The following SBF1 variants were observed in gnomAD, a reference collection of about 807,000 sequenced individuals.
SBF1 encodes the protein SET binding factor 1.
In SBF1, 65 loss-of-function variants were observed where a neutral mutation model predicts 215.8. That is an observed-to-expected ratio of 0.30 (90% CI 0.25 to 0.37). The LOEUF (loss-of-function observed/expected upper bound fraction) is 0.37, where lower values mean the gene tolerates loss of function less well. Ranked by LOEUF, SBF1 falls within the 10% of genes least tolerant of loss-of-function variation. SBF1 has a pLI of 1.00. For synonymous variants in SBF1, 1,410 were observed against 1,122.8 expected, an observed-to-expected ratio of 1.26 and a Z score of -5.11; for missense variants, 2,634 against 2,667.8, an observed-to-expected ratio of 0.99 and a Z score of 0.28.
chr22:50,470,036 G>A (rs557647886), intron 1 of SBF1, among the ~76,000 whole-genome samples: 10 of 151,800 alleles, frequency 6.6e-5, no homozygotes, highest in South Asian at 2.1e-4. Context: ...GGCGGCAGAC[G>A]GGTGGGGGCC....
chr22:50,459,424 G>T, intron 27 of SBF1, 32 bp from the exon 28 acceptor site: 1 of 1,611,854 alleles, frequency 6.2e-7, no homozygotes, highest in Non-Finnish European at 8.5e-7. Context: ...AGGGAGGGGA[G>T]GGTGAGATAG....
In SBF1 at chr22:50,464,503, G is replaced by A. The variant is rs371742872; in HGVS notation, c.1636+31C>T. 4.9e-5 allele frequency: 79 copies of A among 1,602,398 alleles called. No homozygotes were observed. In the African/African-American group the frequency reaches 6.5e-4, roughly 13 times the overall value. On this transcript the variant is annotated intron_variant, in intron 14 of 40. Transcript: ENST00000380817. ...CCCACGCCCATCCTGGGCCACGCTCGGGGCCTGCCTTCCCCTCCCTCATTA... is the reference window on the plus strand; with the variant it reads ...CCCACGCCCATCCTGGGCCACGCTCAGGGCCTGCCTTCCCCTCCCTCATTA...
Position 50,447,055 on chromosome 22 carries a change from G to C in SBF1, c.*87C>G, listed in dbSNP as rs2066856654. ...GGGGCCTCAATACTGTCGAGGGCCGGGGCTGTAAACATGGCCGGGGCGGCC... is the reference window on the plus strand; with the variant it reads ...GGGGCCTCAATACTGTCGAGGGCCGCGGCTGTAAACATGGCCGGGGCGGCC... On this transcript the variant is annotated 3_prime_UTR_variant, in exon 41 of 41. Transcript: ENST00000380817. The C allele has an allele frequency of 7.5e-6, 9 of 1,205,910 alleles. No individual in the cohort carries two copies. The highest frequency in any genetic ancestry group is 1.1e-5 in the Non-Finnish European group (9 of 841,280). 74.7% of individuals were successfully genotyped at this position (1,205,910 alleles called of 1,614,324 possible).
chr22:50,461,435 GA>G (rs35368323), intron 22 of SBF1, 87 bp downstream of exon 22: 1 of 1,500,922 alleles, frequency 6.7e-7, no homozygotes, highest in Non-Finnish European at 8.9e-7. Context: ...GAACCCCCGA[GA>G]AAAGGGAGAG....
At chr22:50,454,490 C>T (rs1040766630) in intron 36 of SBF1, 22 bp downstream of exon 36, 1 of 1,599,714 alleles carries the variant, frequency 6.3e-7, no homozygotes, top group East Asian at 2.2e-5. Context: ...CAGGCCAGAC[C>T]CTGCTCTGGG....
At chr22:50,468,533 G>A (rs1025909735) in intron 1 of SBF1, 72 bp from the exon 2 acceptor site, 5 of 1,146,284 alleles carry the variant, frequency 4.4e-6, no homozygotes, top group African/African-American at 3.2e-5. Flanking sequence ...GGATCCCAGG[G>A]TGGAAACATT....
At position 50,464,643 on chromosome 22, in the gene SBF1, A is replaced by T. The variant is rs1242042304; in HGVS notation, c.1527T>A (p.Asp509Glu). The T allele has an allele frequency of 6.2e-7, 1 of 1,609,798 alleles. No homozygotes were observed. Among genetic ancestry groups the T allele is most frequent in the Non-Finnish European group, 8.5e-7 (1 of 1,179,788 alleles). ...RRVPRPFPRL[D>E]EGTVQWIVDQ... ...CCACGATCCACTGCACGGTGCCCTC[A>T]TCCAGCCGGGGGAAGGGTCGGGGCA... Residue 509 changes from aspartate to glutamate, a missense_variant, in exon 14 of 41, where the codon GAT (aspartate) becomes GAA (glutamate). Physicochemically the swap from Asp to Glu is conservative, Grantham distance 45. Coordinates refer to ENST00000380817, the MANE Select transcript of SBF1 (RefSeq NM_002972.4).
At chr22:50,456,986 C>A in intron 29 of SBF1, 48 bp downstream of exon 29, 7 of 1,364,898 alleles carry the variant, frequency 5.1e-6, no homozygotes, top group Non-Finnish European at 6.7e-6. Context: ...CTAGAGGCCG[C>A]CAGCACCAAG....
chr22:50,459,706 AC>A, intron 26 of SBF1, 40 bp from the exon 27 acceptor site: 1 of 1,527,996 alleles, frequency 6.5e-7, no homozygotes, highest in Non-Finnish European at 8.8e-7. Context: ...TGGCGACCCC[AC>A]CCGCCTCCAG....
In SBF1 at chr22:50,456,286, C is replaced by G. The variant is rs757509015; in HGVS notation, c.4196G>C (p.Gly1399Ala). 7 of 1,612,876 alleles carry G rather than the reference C, an allele frequency of 4.3e-6. No homozygotes were observed. The Admixed American group carries it at 1.2e-4, about 27-fold the overall frequency. ...FKKLLKACVP[G>A]CPAAEPSPAS... Reference sequence around the variant, plus strand: ...TGGGCTGGGCTCAGCAGCGGGGCAGCCTGGGACACATGCTTTCAGCAGCTT... The same window carrying G: ...TGGGCTGGGCTCAGCAGCGGGGCAGGCTGGGACACATGCTTTCAGCAGCTT... Residue 1399 changes from glycine to alanine, a missense_variant, in exon 31 of 41, where the codon GGC becomes GCC. Physicochemically the swap from Gly to Ala is moderately conservative, Grantham distance 60. Coordinates refer to ENST00000380817, the MANE Select transcript of SBF1 (RefSeq NM_002972.4).
chr22:50,451,269 T>C (rs1302812364), intron 36 of SBF1, among the ~76,000 whole-genome samples: 1 of 151,604 alleles, frequency 6.6e-6, no homozygotes, highest in African/African-American at 2.4e-5. Context: ...TGTTTGAGCC[T>C]GGGAGGTTCG....
chr22:50,473,620 G>C (rs1370078465), intron 1 of SBF1, among the ~76,000 whole-genome samples: 2 of 152,192 alleles, frequency 1.3e-5, no homozygotes, highest in African/African-American at 4.8e-5. Flanking sequence ...GCTTCAGGAA[G>C]TGTAGGGGGG....
intron 28 of SBF1, among the ~76,000 whole-genome samples, chr22:50,457,571 G>C (rs1165381701): frequency 6.6e-6 from 1 of 152,256 alleles, no homozygotes; most frequent in Non-Finnish European, 1.5e-5. Context: ...CTGGAGAAGA[G>C]GCGACCTGGA....
chr22:50,462,803 G>T, intron 17 of SBF1, 67 bp downstream of exon 17: 1 of 1,606,030 alleles, frequency 6.2e-7, no homozygotes, highest in Non-Finnish European at 8.5e-7. Flanking sequence ...AAGGGGGGCT[G>T]GGAAGGAGAC....
At position 50,461,679 on chromosome 22, in the gene SBF1, A is replaced by C; in HGVS notation, c.2683T>G (p.Cys895Gly). The change falls in exon 22 of 41, where the codon TGT becomes GGT. Residue 895 changes from cysteine to glycine, a missense_variant. Coordinates refer to ENST00000380817, the MANE Select transcript of SBF1 (RefSeq NM_002972.4). ...TAGACGCGCAGGCCGTCCAGCACAC[A>C]CTCCTCACCCGGCAGCAGGCGCGGC... The part of the protein sequence containing the change: ...LRPRLLPGEE[C>G]VLDGLRVYLL... The C allele has an allele frequency of 6.2e-7, 1 of 1,609,674 alleles. No homozygotes were observed. Among genetic ancestry groups the C allele is most frequent in the East Asian group, 2.2e-5 (1 of 44,832 alleles).
Position 50,452,519 on chromosome 22 carries a change from G to C in SBF1, c.5043+1993C>G, listed in dbSNP as rs537510072. 2.6e-5 allele frequency among the ~76,000 whole-genome samples: 4 copies of C among 152,076 alleles called. No homozygotes were observed. The East Asian group carries it at 7.7e-4, about 29-fold the overall frequency. Reference sequence around the variant, plus strand: ...GGATCACCTGAGGTCAGGAGTTTGAGACTAGCCTGGCCAACACAGTGAAAC... The same window carrying C: ...GGATCACCTGAGGTCAGGAGTTTGACACTAGCCTGGCCAACACAGTGAAAC... On this transcript the variant is annotated intron_variant, in intron 36 of 40. Transcript: ENST00000380817.
Position 50,454,740 on chromosome 22 carries a change from G to T in SBF1, c.4815C>A (p.Val1605=), listed in dbSNP as rs778583461. The T allele has an allele frequency of 6.3e-7, 1 of 1,580,030 alleles. No homozygotes were observed. Among genetic ancestry groups the T allele is most frequent in the Admixed American group, 1.9e-5 (1 of 53,244 alleles). Residue 1605 remains valine (V), a splice_region_variant and synonymous_variant, in exon 36 of 41, where the codon GTC becomes GTA. Coordinates refer to ENST00000380817, the MANE Select transcript of SBF1 (RefSeq NM_002972.4). ...TGGACACGTTGCTGTAGGGCCGCAG[G>T]ACCTGAGGGTGGGCCTGTGGTTGAG... ...NYMYAPEDAE[V]LRPYSNVSNL...
At position 50,446,727 on chromosome 22, in the gene SBF1, C is replaced by T. The variant is rs2066833606; in HGVS notation, c.*415G>A. 2.2e-6 allele frequency: 1 copy of T among 446,388 alleles called. No individual in the cohort carries two copies. Among genetic ancestry groups the T allele is most frequent in the African/African-American group, 2.0e-5 (1 of 50,280 alleles). 27.7% of individuals were successfully genotyped at this position (446,388 alleles called of 1,614,324 possible). A position where few individuals can be genotyped will look rare whatever the true frequency, so the allele number is the denominator to read the frequency against. ...AGATGCCAACCTCCCGCCAGGTGGGCCTGGATAGGGGCAGATGGGACCCTC... is the reference window on the plus strand; with the variant it reads ...AGATGCCAACCTCCCGCCAGGTGGGTCTGGATAGGGGCAGATGGGACCCTC... On this transcript the variant is annotated 3_prime_UTR_variant, in exon 41 of 41. Transcript: ENST00000380817.
chr22:50,461,407 G>C, intron 22 of SBF1, 116 bp downstream of exon 22: 1 of 1,494,224 alleles, frequency 6.7e-7, no homozygotes. Context: ...ACAAAGGCCC[G>C]TTTCCCACGG....
Sources: allele counts gnomAD v4.1 joint callset (sites outside exome capture counted in the v4.1 genomes callset), GRCh38; gene constraint gnomAD v4.1.1; transcripts MANE v1.5; gene names NCBI Gene and HGNC (gene_info 2026-07-23, HGNC 2026-07-21).